Variants in VPS26A observed in about 807,000 individuals in gnomAD.
VPS26A encodes the protein VPS26 retromer complex component A, also known as vacuolar protein sorting-associated protein 26A.
A neutral mutation model predicts 42.4 loss-of-function variants in VPS26A; 22 were observed. The observed-to-expected ratio is 0.52, with a 90% CI of 0.37 to 0.74. VPS26A has a LOEUF of 0.74. Among genes scored for constraint, VPS26A ranks in the 30% least tolerant of loss-of-function variants. The pLI, the probability that VPS26A is intolerant of heterozygous loss-of-function variation, is 0.00. For missense variants in VPS26A, 276 were observed against 379.2 expected (o/e 0.73, Z 2.26); for synonymous variants, 110 against 123.5 (o/e 0.89, Z 0.73).
chr10:69,154,887 G>A (rs61868358), intron 2 of VPS26A, among the ~76,000 whole-genome samples: 47,280 of 151,170 alleles, frequency 0.31, 8,083 homozygotes, highest in Middle Eastern at 0.41. Flanking sequence ...GTGTGTGCGC[G>A]CACGCGCACG....
At chr10:69,144,300 T>C (rs2132207091) in intron 2 of VPS26A, among the ~76,000 whole-genome samples, 1 of 152,354 alleles carries the variant, frequency 6.6e-6, no homozygotes, top group Non-Finnish European at 1.5e-5. Flanking sequence ...GGGTTTACTC[T>C]GTTGTACATT....
chr10:69,150,742 T>C (rs189742385), intron 2 of VPS26A, among the ~76,000 whole-genome samples: 1 of 151,996 alleles, frequency 6.6e-6, no homozygotes, highest in East Asian at 1.9e-4. Context: ...TGTTTAGGGG[T>C]AATGGAGCAT....
At chr10:69,155,370 G>A (rs1409145853) in intron 2 of VPS26A, among the ~76,000 whole-genome samples, 1 of 152,182 alleles carries the variant, frequency 6.6e-6, no homozygotes, top group Non-Finnish European at 1.5e-5. Flanking sequence ...TATAGTCCTA[G>A]TTGTGTGGAT....
chr10:69,150,958 G>C (rs1657935025), intron 2 of VPS26A, among the ~76,000 whole-genome samples: 1 of 151,856 alleles, frequency 6.6e-6, no homozygotes, highest in Admixed American at 6.6e-5. Flanking sequence ...AAGTATAACT[G>C]AATTGGTATT....
intron 7 of VPS26A, among the ~76,000 whole-genome samples, chr10:69,167,246 A>G (rs1841708735): frequency 6.6e-6 from 1 of 151,420 alleles, no homozygotes; most frequent in South Asian, 2.1e-4. Context: ...TCTGGGCAAC[A>G]TGGCAAAACC....
chr10:69,130,585 GA>G (rs1200484791), intron 1 of VPS26A, among the ~76,000 whole-genome samples: 1 of 152,138 alleles, frequency 6.6e-6, no homozygotes, highest in African/African-American at 2.4e-5. Context: ...AAAAGTACAC[GA>G]ATAGGTGTAT....
chr10:69,134,681 A>G (rs1339378284), intron 2 of VPS26A, among the ~76,000 whole-genome samples: 1 of 146,894 alleles, frequency 6.8e-6, no homozygotes, highest in Non-Finnish European at 1.5e-5. Context: ...TTTTTTTTGT[A>G]CTGCATTGTC....
intron 2 of VPS26A, among the ~76,000 whole-genome samples, chr10:69,149,949 G>A (rs1028315123): frequency 6.6e-6 from 1 of 151,756 alleles, no homozygotes; most frequent in African/African-American, 2.4e-5. Flanking sequence ...TCACCATGTG[G>A]GCCAGGCTGG....
At position 69,172,593 on chromosome 10, in the gene VPS26A, A is replaced by T. The variant is rs1189194392; in HGVS notation, c.*1324A>T. 1 of 152,586 alleles carries T rather than the reference A, an allele frequency of 6.6e-6. No homozygotes were observed. Among genetic ancestry groups the T allele is most frequent in the Non-Finnish European group, 1.5e-5 (1 of 68,030 alleles). The allele number at this position is 152,586 out of a possible 1,614,324, so 9.5% of individuals were successfully genotyped here. ...TTTACTACTATGGCACTTTGATAAA[A>T]TGGTCAGGAACCAACTTTACTGGCA... is the stretch of plus-strand genomic sequence containing the variant. On this transcript the variant is annotated 3_prime_UTR_variant, in exon 9 of 9. Transcript: ENST00000263559.
intron 5 of VPS26A, chr10:69,161,645 T>TTA (rs1841564727): frequency 3.2e-6 from 1 of 308,638 alleles, no homozygotes; most frequent in Non-Finnish European, 6.5e-6. Context: ...ATCTGTCAGT[T>TTA]TTATAGAGGC....
intron 2 of VPS26A, among the ~76,000 whole-genome samples, chr10:69,139,888 T>A (rs1841001904): frequency 6.6e-6 from 1 of 152,162 alleles, no homozygotes; most frequent in African/African-American, 2.4e-5. Flanking sequence ...AGATTTTCTT[T>A]CATGTATTGT....
chr10:69,149,750 T>TTTTG (rs1841255264), intron 2 of VPS26A, among the ~76,000 whole-genome samples: 1 of 84,088 alleles, frequency 1.2e-5, no homozygotes, highest in African/African-American at 3.4e-5. Context: ...TTTTTTTTTT[T>TTTTG]TTTTTTTTTT....
intron 2 of VPS26A, among the ~76,000 whole-genome samples, chr10:69,136,088 T>C (rs1840901780): frequency 1.3e-5 from 2 of 152,202 alleles, no homozygotes; most frequent in Non-Finnish European, 1.5e-5. Context: ...ATTTGAATTG[T>C]AGAGTTCTCT....
Position 69,158,145 on chromosome 10 carries a change from A to G in VPS26A, c.485A>G (p.Asn162Ser), listed in dbSNP as rs750421403. 1.9e-6 allele frequency: 3 copies of G among 1,612,784 alleles called. No individual in the cohort carries two copies. Among genetic ancestry groups the G allele is most frequent in the Non-Finnish European group, 2.5e-6 (3 of 1,179,398 alleles). ...HQLATYPDVN[N>S]SIKMEVGIED... Reference sequence around the variant, plus strand: ...CTTGCCACCTATCCTGATGTTAACAACTCTATTAAGATGGAAGTGGGCATT... The same window carrying G: ...CTTGCCACCTATCCTGATGTTAACAGCTCTATTAAGATGGAAGTGGGCATT... The change falls in exon 5 of 9, where the codon AAC becomes AGC. Residue 162 changes from asparagine to serine, a missense_variant. Physicochemically the swap from Asn to Ser is conservative, Grantham distance 46 (BLOSUM62 1). Transcript: ENST00000263559.
At position 69,128,397 on chromosome 10, in the gene VPS26A, A is replaced by C. The variant is rs1362332674; in HGVS notation, c.3+4117A>C. Among the ~76,000 whole-genome samples the C allele has an allele frequency of 6.6e-5, 10 of 151,612 alleles. No individual in the cohort carries two copies. In the East Asian group the frequency reaches 1.8e-3, roughly 27 times the overall value. ...CAAGTGCATGCCACCACGTCTGGCA[A>C]ATTTGTTCTGTTTTTGTAGAGATGG... is the stretch of plus-strand genomic sequence containing the variant. On this transcript the variant is annotated intron_variant, in intron 1 of 8. Transcript: ENST00000263559.
At position 69,132,911 on chromosome 10, in the gene VPS26A, G is replaced by A. The variant is rs1465377629; in HGVS notation, c.17G>A (p.Gly6Asp). The change falls in exon 2 of 9, where the codon GGC (glycine) becomes GAC (aspartate). Residue 6 changes from glycine (G) to aspartate (D), a missense_variant. Gly to Asp is a moderately conservative substitution (Grantham distance 94). Transcript: ENST00000263559. MSFLG[G>D]FFGPICEIDI... ...ATTTTATTTCAGAGTTTTCTTGGAG[G>A]CTTTTTTGGTCCAATTTGTGAGATC... 2 of 1,584,610 alleles carry A rather than the reference G, an allele frequency of 1.3e-6. No individual in the cohort carries two copies. Among genetic ancestry groups the A allele is most frequent in the African/African-American group, 2.8e-5 (2 of 72,632 alleles).
chr10:69,162,021 G>A (rs1290178111), intron 5 of VPS26A: 1 of 151,756 alleles, frequency 6.6e-6, no homozygotes, highest in Non-Finnish European at 1.4e-5. Context: ...TTGAGATGGA[G>A]TCTTGCTGTC....
intron 2 of VPS26A, among the ~76,000 whole-genome samples, chr10:69,138,111 A>G (rs916049841): frequency 1.3e-5 from 2 of 152,160 alleles, no homozygotes; most frequent in African/African-American, 4.8e-5. Flanking sequence ...ATGGAATTAT[A>G]CAATGTGTGG....
intron 1 of VPS26A, 88 bp downstream of exon 1, chr10:69,124,368 G>A: frequency 8.3e-7 from 1 of 1,210,524 alleles, no homozygotes. Context: ...GGCGTCGCCG[G>A]AGGAGGGGAC....
Sources: allele counts gnomAD v4.1 joint callset (sites outside exome capture counted in the v4.1 genomes callset), GRCh38; gene constraint gnomAD v4.1.1; transcripts MANE v1.5; gene names NCBI Gene and HGNC (gene_info 2026-07-23, HGNC 2026-07-21).